HTR3B: variants seen among roughly 807,000 people sequenced by gnomAD.
HTR3B encodes the protein 5-hydroxytryptamine (serotonin) receptor 3B, ionotropic.
A neutral mutation model predicts 42.8 loss-of-function variants in HTR3B; 44 were observed. The ratio of observed to expected loss-of-function variants is 1.03; its 90% CI spans 0.81 to 1.32. The LOEUF is 1.32. Among genes scored for constraint, HTR3B ranks in the 40% most tolerant of loss-of-function variants. The probability of loss-of-function intolerance (pLI) is 0.00; values close to 1 mark genes in which losing one functional copy is unlikely to be tolerated. For synonymous variants in HTR3B, 203 were observed against 209.0 expected, an observed-to-expected ratio of 0.97 and a Z score of 0.25; for missense variants, 527 against 536.5, an observed-to-expected ratio of 0.98 and a Z score of 0.17.
At chr11:113,913,342 T>C (rs1591571819) in intron 2 of HTR3B, among the ~76,000 whole-genome samples, 1 of 141,056 alleles carries the variant, frequency 7.1e-6, no homozygotes, top group Non-Finnish European at 1.5e-5. Flanking sequence ...TGCCACCATG[T>C]CTGGCTAATT....
chr11:113,913,774 C>T (rs967373075), intron 2 of HTR3B, among the ~76,000 whole-genome samples: 1 of 152,138 alleles, frequency 6.6e-6, no homozygotes, highest in Non-Finnish European at 1.5e-5. Flanking sequence ...CTCGGTCTGC[C>T]AAAGTGCTGG....
At chr11:113,922,858 CTG>C (rs1256221702) in intron 2 of HTR3B, among the ~76,000 whole-genome samples, 4 of 152,170 alleles carry the variant, frequency 2.6e-5, no homozygotes, top group African/African-American at 9.7e-5. Context: ...CCCGGCAAGT[CTG>C]TGTATTTCTT....
intron 6 of HTR3B, among the ~76,000 whole-genome samples, chr11:113,937,477 G>A (rs987909221): frequency 3.9e-5 from 6 of 152,144 alleles, no homozygotes; most frequent in African/African-American, 7.2e-5. Flanking sequence ...TCTGCCCAGG[G>A]AGACATAATA....
At chr11:113,942,041 T>G (rs569849290) in intron 6 of HTR3B, among the ~76,000 whole-genome samples, 2 of 152,154 alleles carry the variant, frequency 1.3e-5, no homozygotes, top group East Asian at 3.9e-4. Context: ...GCTAAGGAGT[T>G]CAGAATCCAA....
intron 1 of HTR3B, among the ~76,000 whole-genome samples, chr11:113,907,938 T>C (rs1487385814): frequency 2.0e-5 from 3 of 152,178 alleles, no homozygotes; most frequent in African/African-American, 7.2e-5. Flanking sequence ...AGAAATGTTC[T>C]CAGGTAGAGA....
rs764492843 is a variant in HTR3B at position 113,933,072 on chromosome 11, AT to A, written c.678del (p.Phe226LeufsTer9). The part of the protein sequence containing the change: ...YSILQSSAGG[F>X]AQIQFNVVMR... ...GCATCCTGCAGAGCAGCGCTGGAGG[AT>A]TTGCACAGATTCAGTTTAATGTAGG... On this transcript the variant is annotated frameshift_variant, in exon 6 of 9. Coordinates refer to ENST00000260191, the MANE Select transcript of HTR3B (RefSeq NM_006028.5). LOFTEE classifies it high-confidence loss of function. 79 of 1,613,820 alleles carry A rather than the reference AT, an allele frequency of 4.9e-5. No individual in the cohort carries two copies. The highest frequency in any genetic ancestry group is 3.8e-4 in the East Asian group (17 of 44,868).
Position 113,945,942 on chromosome 11 carries a change from C to G in HTR3B, c.1131C>G (p.Thr377=), listed in dbSNP as rs754950390. ...LYGEHLAQPG[T]LKEVWSQLQS... is the part of the protein sequence containing the mutation. The stretch of plus-strand genomic sequence containing the variant: ...GAGAGCACCTGGCCCAGCCAGGAAC[C>G]CTGAAGGAAGTCTGGTCGCAGCTTC... The change falls in exon 9 of 9, where the codon ACC becomes ACG. Residue 377 remains threonine, a synonymous_variant. Transcript: ENST00000260191. The G allele has an allele frequency of 5.0e-6, 8 of 1,614,012 alleles. No homozygotes were observed. Among genetic ancestry groups the G allele is most frequent in the South Asian group, 4.4e-5 (4 of 91,086 alleles).
chr11:113,914,089 A>G lies in HTR3B; in HGVS notation c.213+4634A>G, dbSNP rs1949827851. On this transcript the variant is annotated intron_variant, in intron 2 of 8. Transcript: ENST00000260191. ...TACACAGTCTCAGGTTTTCAGATAC[A>G]GGAACAAAAAACGGACTAAGACAAA... Among the ~76,000 whole-genome samples, 3 of 152,194 alleles carry G rather than the reference A, an allele frequency of 2.0e-5. No homozygotes were observed. In the South Asian group the frequency reaches 6.2e-4, roughly 32 times the overall value.
chr11:113,912,763 T>C (rs1245169731), intron 2 of HTR3B, among the ~76,000 whole-genome samples: 1 of 152,164 alleles, frequency 6.6e-6, no homozygotes, highest in African/African-American at 2.4e-5. Flanking sequence ...TGGTATTTCA[T>C]TGAGGTTTTA....
At position 113,948,812 on chromosome 11, in the gene HTR3B, G is replaced by A. The variant is rs1046880318; in HGVS notation, c.*2675G>A. Among the ~76,000 whole-genome samples, 7 of 151,040 alleles carry A rather than the reference G, an allele frequency of 4.6e-5. No homozygotes were observed. The highest frequency in any genetic ancestry group is 2.1e-4 in the South Asian group (1 of 4,818). On this transcript the variant is annotated 3_prime_UTR_variant, in exon 9 of 9. Transcript: ENST00000260191. ...CAGGAGGTGGAGGTTGCGGTGAGCC[G>A]AGATCGTGCCATTGCACTCCAGCCC...
rs572826405 is a variant in HTR3B at position 113,919,137 on chromosome 11, G to C, written c.213+9682G>C. On this transcript the variant is annotated intron_variant, in intron 2 of 8. Coordinates refer to ENST00000260191, the MANE Select transcript of HTR3B (RefSeq NM_006028.5). ...ATATTGGATTATAGTTCCTCTATTA[G>C]CTTTTTAGCGATCCATCTTTGTATT... Among the ~76,000 whole-genome samples the C allele has an allele frequency of 5.3e-5, 8 of 151,888 alleles. No homozygotes were observed. The South Asian group carries it at 1.7e-3, about 32-fold the overall frequency.
upstream of HTR3B, among the ~76,000 whole-genome samples, chr11:113,904,328 G>C (rs1208641485): frequency 1.3e-5 from 2 of 152,114 alleles, no homozygotes; most frequent in Non-Finnish European, 2.9e-5. Flanking sequence ...AAAAGTCAAT[G>C]TTTCTTTTAA....
rs1950161386 is a variant in HTR3B, at chr11:113,944,554, C to G, written c.908-19C>G. The G allele has an allele frequency of 6.2e-7, 1 of 1,607,422 alleles. No individual in the cohort carries two copies. Among genetic ancestry groups the G allele is most frequent in the Non-Finnish European group, 8.5e-7 (1 of 1,174,816 alleles). On this transcript the variant is annotated intron_variant, in intron 7 of 8. Transcript: ENST00000260191. Reference sequence around the variant, plus strand: ...ATTTCAGACTGGAGGCTAACTGCACCTCTTCTGGCTTCTCTCAGGGCACTT... The same window carrying G: ...ATTTCAGACTGGAGGCTAACTGCACGTCTTCTGGCTTCTCTCAGGGCACTT...
rs560398898 is a variant in HTR3B at position 113,933,279 on chromosome 11, T to G, written c.696+186T>G. On this transcript the variant is annotated intron_variant, in intron 6 of 8. Transcript: ENST00000260191. Reference sequence around the variant, plus strand: ...CACAGAGCAGAGGTTCAGTGGGAGATGCTGGGCCCCTCCAGAAGATAACAG... The same window carrying G: ...CACAGAGCAGAGGTTCAGTGGGAGAGGCTGGGCCCCTCCAGAAGATAACAG... Among the ~76,000 whole-genome samples, 32 of 152,226 alleles carry G rather than the reference T, an allele frequency of 2.1e-4. No homozygotes were observed. The South Asian group carries it at 6.4e-3, about 31-fold the overall frequency.
intron 8 of HTR3B, among the ~76,000 whole-genome samples, chr11:113,945,672 C>A (rs1950170893): frequency 6.6e-6 from 1 of 152,230 alleles, no homozygotes; most frequent in Non-Finnish European, 1.5e-5. Context: ...GGATCTAGCA[C>A]ACATACACCC....
chr11:113,911,380 G>A (rs1318599352), intron 2 of HTR3B, among the ~76,000 whole-genome samples: 4 of 151,508 alleles, frequency 2.6e-5, no homozygotes, highest in African/African-American at 7.3e-5. Context: ...ACAGGCATGC[G>A]CCACCACATC....
chr11:113,930,073 T>A (rs749659065), intron 2 of HTR3B, among the ~76,000 whole-genome samples: 84 of 152,170 alleles, frequency 5.5e-4, no homozygotes, highest in Admixed American at 7.9e-4. Flanking sequence ...TCTTTTGTTG[T>A]CGTTGAGTTG....
At chr11:113,914,807 G>T (rs1004125311) in intron 2 of HTR3B, among the ~76,000 whole-genome samples, 1 of 152,064 alleles carries the variant, frequency 6.6e-6, no homozygotes, top group African/African-American at 2.4e-5. Flanking sequence ...TTTTCTGAAG[G>T]CGTTGTATAA....
chr11:113,904,187 A>C (rs1949717336), upstream of HTR3B, among the ~76,000 whole-genome samples: 1 of 152,158 alleles, frequency 6.6e-6, no homozygotes, highest in Admixed American at 6.5e-5. Flanking sequence ...TCAATCAAAA[A>C]GTGAAAAAAA....
Sources: allele counts gnomAD v4.1 joint callset (sites outside exome capture counted in the v4.1 genomes callset), GRCh38; gene constraint gnomAD v4.1.1; transcripts MANE v1.5; gene names NCBI Gene and HGNC (gene_info 2026-07-23, HGNC 2026-07-21).